Variants in BTD observed in about 807,000 individuals in gnomAD.
BTD encodes biotinidase, also known as biocytinase.
Under a neutral mutation model 17.7 loss-of-function variants are expected in BTD, and 13 were observed. That is an observed-to-expected ratio of 0.74 (90% CI 0.48 to 1.17). The LOEUF is 1.17. Among genes scored for constraint, BTD ranks in the 50% most tolerant of loss-of-function variants. The probability of loss-of-function intolerance (pLI) is 0.00; values close to 1 mark genes in which losing one functional copy is unlikely to be tolerated. For synonymous variants in BTD, 240 were observed against 245.2 expected (o/e 0.98, Z 0.20); for missense variants, 674 against 650.4 (o/e 1.04, Z -0.39).
intron 1 of BTD, chr3:15,630,073 T>C (rs962450435): frequency 1.0e-6 from 1 of 985,470 alleles, no homozygotes; most frequent in Non-Finnish European, 1.2e-6. Flanking sequence ...TCCAGTCATA[T>C]TGTATGAAAT....
At chr3:15,708,317 C>T (rs1575292527) in intron 3 of BTD, among the ~76,000 whole-genome samples, 2 of 152,220 alleles carry the variant, frequency 1.3e-5, no homozygotes, top group East Asian at 3.9e-4. Flanking sequence ...AGCAGCAATC[C>T]CAGTCCCAGT....
intron 3 of BTD, among the ~76,000 whole-genome samples, chr3:15,660,257 C>T (rs374455506): frequency 6.6e-6 from 1 of 152,354 alleles, no homozygotes; most frequent in East Asian, 1.9e-4. Flanking sequence ...CATGTGCTCC[C>T]TCCTTCTTGC....
At chr3:15,687,056 C>T (rs1332730496) in intron 3 of BTD, among the ~76,000 whole-genome samples, 1 of 151,810 alleles carries the variant, frequency 6.6e-6, no homozygotes, top group Non-Finnish European at 1.5e-5. Context: ...CAATTCTCTG[C>T]CTCAGCCTCC....
intron 1 of BTD, among the ~76,000 whole-genome samples, chr3:15,617,986 C>T (rs751791568): frequency 1.3e-5 from 2 of 152,200 alleles, no homozygotes; most frequent in Non-Finnish European, 2.9e-5. Context: ...AGACAGGTCT[C>T]GCTCTGTCAT....
intron 3 of BTD, among the ~76,000 whole-genome samples, chr3:15,643,045 TAA>T (rs368667485): frequency 7.0e-6 from 1 of 142,322 alleles, no homozygotes; most frequent in Non-Finnish European, 1.5e-5. Context: ...AAAAAAAAAA[TAA>T]AATAAAATAA....
downstream of BTD, among the ~76,000 whole-genome samples, chr3:15,657,150 G>A (rs755514693): frequency 1.3e-5 from 2 of 152,222 alleles, no homozygotes; most frequent in Non-Finnish European, 2.9e-5. Flanking sequence ...GAGACAGGAA[G>A]AGGAAGCTGC....
In BTD at chr3:15,652,906, C is replaced by G. The variant is rs573288546; in HGVS notation, c.*7418C>G. 6.6e-6 allele frequency among the ~76,000 whole-genome samples: 1 copy of G among 152,278 alleles called. No homozygotes were observed. The highest frequency in any genetic ancestry group is 2.4e-5 in the African/African-American group (1 of 41,564). On this transcript the variant is annotated 3_prime_UTR_variant, in exon 4 of 4. Coordinates refer to ENST00000643237, the MANE Select transcript of BTD (RefSeq NM_001370658.1). The stretch of plus-strand genomic sequence containing the variant: ...TCTGGTTTTGAATAGCAAAATGCAA[C>G]AGGGAGATGTTCTCAGATAGAGGGA...
At chr3:15,661,135 G>A (rs1291806474) in intron 3 of BTD, among the ~76,000 whole-genome samples, 7 of 151,554 alleles carry the variant, frequency 4.6e-5, no homozygotes, top group Admixed American at 2.6e-4. Context: ...GCGTGGTGGT[G>A]CATGCCTGTA....
At chr3:15,683,258 A>T (rs1020535878) in intron 3 of BTD, among the ~76,000 whole-genome samples, 2 of 152,226 alleles carry the variant, frequency 1.3e-5, no homozygotes, top group African/African-American at 4.8e-5. Flanking sequence ...ACTTTTTTAC[A>T]GAAACACAAC....
chr3:15,718,156 A>C (rs747984700), intron 4 of BTD, among the ~76,000 whole-genome samples: 2 of 152,214 alleles, frequency 1.3e-5, no homozygotes, highest in Non-Finnish European at 2.9e-5. Flanking sequence ...CACAGCTATC[A>C]ACATATTGTG....
intron 3 of BTD, among the ~76,000 whole-genome samples, chr3:15,674,652 G>A (rs1230674639): frequency 6.6e-6 from 1 of 152,116 alleles, no homozygotes; most frequent in Non-Finnish European, 1.5e-5. Context: ...ACTGATGAGA[G>A]CACTAGGGAG....
intron 3 of BTD, among the ~76,000 whole-genome samples, chr3:15,688,238 ATATTTTTAAAATGTACT>A (rs1053322318): frequency 2.6e-5 from 4 of 152,212 alleles, no homozygotes; most frequent in Non-Finnish European, 4.4e-5. Context: ...CTATAGATTA[ATATTTTTAAAATGTACT>A]TATTTTTCAC....
At position 15,635,700 on chromosome 3, in the gene BTD, C is replaced by T; in HGVS notation, c.249+12C>T. On this transcript the variant is annotated intron_variant, in intron 2 of 3. Transcript: ENST00000643237. The surrounding 1 kb of genome is among the most constrained non-coding windows in gnomAD (Gnocchi z 4.1). ...CTGCAGCCCAAAAGGCAAGAATGCT[C>T]CTCGGAACCTGAGTTTCTCTCATAC... The T allele has an allele frequency of 1.2e-6, 2 of 1,613,990 alleles. No homozygotes were observed. Among genetic ancestry groups the T allele is most frequent in the South Asian group, 1.1e-5 (1 of 91,050 alleles).
Position 15,679,903 on chromosome 3 carries a change from C to CCCTAGATA in BTD, c.400-30156_400-30155insCTAGATAC, listed in dbSNP as rs748498727. Among the ~76,000 whole-genome samples, 139 of 151,576 alleles carry CCCTAGATA rather than the reference C, an allele frequency of 9.2e-4. 1 individual carries two copies. The highest frequency in any genetic ancestry group is 2.8e-3 in the African/African-American group (117 of 41,348). On this transcript the variant is annotated intron_variant, in intron 3 of 3. Coordinates refer to the BTD transcript ENST00000672141. Reference sequence around the variant, plus strand: ...TGTCATATACCCTAAATACAGCATACCAATTATTTACATAACATTTACATT... The same window carrying CCCTAGATA: ...TGTCATATACCCTAAATACAGCATACCCTAGATACAATTATTTACATAACATTTACATT...
chr3:15,657,297 G>C (rs1421276553), downstream of BTD, among the ~76,000 whole-genome samples: 2 of 152,224 alleles, frequency 1.3e-5, no homozygotes, highest in African/African-American at 2.4e-5. Flanking sequence ...GAGTGTAAAA[G>C]AATTTGTGGC....
intron 2 of BTD, 107 bp from the exon 3 acceptor site, chr3:15,641,801 G>A: frequency 1.2e-6 from 1 of 852,474 alleles, no homozygotes; most frequent in Non-Finnish European, 1.9e-6. Context: ...TCCTGCTACA[G>A]AGTAACTTCC....
chr3:15,665,360 T>G (rs2065967367), intron 3 of BTD, among the ~76,000 whole-genome samples: 1 of 152,236 alleles, frequency 6.6e-6, no homozygotes, highest in African/African-American at 2.4e-5. Context: ...GAGAGGGGAC[T>G]GGTGCTACAT....
At position 15,649,570 on chromosome 3, in the gene BTD, A is replaced by G. The variant is rs1277602607; in HGVS notation, c.*4082A>G. ...CAGCCTCAGCTCCGCCTGACCTCTG[A>G]GCTCACATGATGGCCCTTACTGTGA... On this transcript the variant is annotated 3_prime_UTR_variant, in exon 4 of 4. Coordinates refer to ENST00000643237, the MANE Select transcript of BTD (RefSeq NM_001370658.1). 2.0e-5 allele frequency among the ~76,000 whole-genome samples: 3 copies of G among 152,178 alleles called. No individual in the cohort carries two copies. The highest frequency in any genetic ancestry group is 4.4e-5 in the Non-Finnish European group (3 of 68,028).
chr3:15,606,929 CTTT>C (rs1176041936), intron 1 of BTD: 1 of 147,040 alleles, frequency 6.8e-6, no homozygotes, highest in South Asian at 2.2e-4. Context: ...TGCACCGACC[CTTT>C]TTTTTGTTGT....
Sources: gnomAD v4.1 joint callset for allele counts (sites outside exome capture counted in the v4.1 genomes callset) on GRCh38, gnomAD v4.1.1 for gene constraint, Gnocchi (gnomAD v3.1) non-coding constraint, MANE v1.5 for transcripts, NCBI Gene and HGNC (gene_info 2026-07-23, HGNC 2026-07-21) for gene names.